Variants in ZNF215 observed in about 807,000 individuals in gnomAD.
ZNF215 encodes the protein zinc finger protein 215, also known as BWSCR2-associated zinc finger protein 2.
A neutral mutation model predicts 27.2 loss-of-function variants in ZNF215; 24 were observed. The observed-to-expected ratio is 0.88, with a 90% confidence interval of 0.64 to 1.24. ZNF215 has a LOEUF of 1.24. Among genes scored for constraint, ZNF215 ranks in the 50% most tolerant of loss-of-function variants. The probability of loss-of-function intolerance (pLI) is 0.00; values close to 1 mark genes in which losing one functional copy is unlikely to be tolerated. For synonymous variants in ZNF215, 210 were observed against 204.0 expected (o/e 1.03, Z -0.25); for missense variants, 675 against 605.7 (o/e 1.11, Z -1.20).
chr11:6,981,422 CTGTT>C (rs1850949365), intron 5 of ZNF215, among the ~76,000 whole-genome samples: 1 of 151,986 alleles, frequency 6.6e-6, no homozygotes, highest in Non-Finnish European at 1.5e-5. Context: ...TGAGAAGTGT[CTGTT>C]CATATCCTTC....
At chr11:6,950,203 C>T (rs1259667338) in intron 6 of ZNF215, among the ~76,000 whole-genome samples, 2 of 141,152 alleles carry the variant, frequency 1.4e-5, no homozygotes, top group Non-Finnish European at 3.2e-5. Flanking sequence ...TTAGGATTGA[C>T]TTGGCGATGG....
intron 6 of ZNF215, among the ~76,000 whole-genome samples, chr11:6,955,392 T>C (rs1288793119): frequency 1.3e-5 from 2 of 152,234 alleles, no homozygotes; most frequent in Non-Finnish European, 2.9e-5. Flanking sequence ...GAACCAGTGA[T>C]AACTTGAATT....
At chr11:6,958,718 A>G (rs927684896), downstream of ZNF215, among the ~76,000 whole-genome samples, 2 of 152,198 alleles carry the variant, frequency 1.3e-5, no homozygotes, top group African/African-American at 2.4e-5. Flanking sequence ...CCAAGTCCCA[A>G]TTTTACATAA....
chr11:6,977,075 G>A lies in ZNF215; in HGVS notation c.806-7054G>A, dbSNP rs185660416. 4.6e-4 allele frequency among the ~76,000 whole-genome samples: 70 copies of A among 152,090 alleles called. 1 individual carries two copies. The highest frequency in any genetic ancestry group is 6.8e-3 in the Middle Eastern group (2 of 294). On this transcript the variant is annotated intron_variant, in intron 5 of 5. Transcript: ENST00000529903. ...TTCTCTTCTGTGTGAAGTTGATAGGGACTGAATTGTGTCCTCCAAAATTCA... is the reference window on the plus strand; with the variant it reads ...TTCTCTTCTGTGTGAAGTTGATAGGAACTGAATTGTGTCCTCCAAAATTCA...
At chr11:6,936,090 C>T (rs1849427495) in intron 3 of ZNF215, among the ~76,000 whole-genome samples, 1 of 151,952 alleles carries the variant, frequency 6.6e-6, no homozygotes, top group African/African-American at 2.4e-5. Flanking sequence ...GATCTCAACC[C>T]TCCACCTGAA....
chr11:6,956,083 AC>A lies in ZNF215; in HGVS notation c.1108del (p.Gln370LysfsTer7), dbSNP rs759497011. 4 of 1,612,332 alleles carry A rather than the reference AC, an allele frequency of 2.5e-6. No individual in the cohort carries two copies. In the Admixed American group the frequency reaches 6.7e-5, roughly 27 times the overall value. ...TTGAGTTTGAGTACAGATATTCGAC[AC>A]CAAAAAAGTCATACTACAATGAATT... ...NDLSLSTDIR[H>X]QKSHTTMNSY... On this transcript the variant is annotated frameshift_variant, in exon 7 of 7. Transcript: ENST00000278319. LOFTEE classifies it low-confidence loss of function (END_TRUNC).
chr11:6,943,557 T>G lies in ZNF215; in HGVS notation c.628T>G (p.Ser210Ala), dbSNP rs778224480. The G allele has an allele frequency of 6.2e-7, 1 of 1,613,924 alleles. No individual in the cohort carries two copies. The highest frequency in any genetic ancestry group is 1.3e-5 in the African/African-American group (1 of 75,030). ...TTCTCCATGAACAGCACATCTACTTTCCAAACCATTTGAGAGCCTTAAGTT... is the reference window on the plus strand; with the variant it reads ...TTCTCCATGAACAGCACATCTACTTGCCAAACCATTTGAGAGCCTTAAGTT... ...LNSLRKAHLLSKPFESLKLES... is the reference protein window; with the variant it reads ...LNSLRKAHLLAKPFESLKLES... Residue 210 changes from serine to alanine, a missense_variant, in exon 6 of 7, where the codon TCC (serine) becomes GCC (alanine). Coordinates refer to ENST00000278319, the MANE Select transcript of ZNF215 (RefSeq NM_013250.4).
chr11:6,953,497 A>G (rs1029259902), intron 6 of ZNF215, among the ~76,000 whole-genome samples: 10 of 151,848 alleles, frequency 6.6e-5, no homozygotes, highest in South Asian at 2.1e-4. Context: ...ATCTTCCATC[A>G]CTGATACCCT....
chr11:6,936,309 A>G (rs1252384773), intron 3 of ZNF215, among the ~76,000 whole-genome samples: 7 of 152,090 alleles, frequency 4.6e-5, no homozygotes, highest in South Asian at 2.1e-4. Context: ...AGTGGGGACA[A>G]TACTACTGAC....
At chr11:6,941,875 T>C in intron 4 of ZNF215, among the ~76,000 whole-genome samples, 1 of 152,228 alleles carries the variant, frequency 6.6e-6, no homozygotes, top group South Asian at 2.1e-4. Flanking sequence ...CTATTTTATC[T>C]GTAGACACTA....
downstream of ZNF215, among the ~76,000 whole-genome samples, chr11:6,993,756 T>G (rs1015899953): frequency 6.6e-6 from 1 of 152,220 alleles, no homozygotes; most frequent in African/African-American, 2.4e-5. Flanking sequence ...CTAATGGATT[T>G]CATATTTGTA....
At chr11:6,946,786 G>C (rs1301266826) in intron 6 of ZNF215, among the ~76,000 whole-genome samples, 1 of 152,094 alleles carries the variant, frequency 6.6e-6, no homozygotes, top group Non-Finnish European at 1.5e-5. Context: ...TGTTCTTTGA[G>C]GGTAGGCATA....
intron 6 of ZNF215, among the ~76,000 whole-genome samples, chr11:6,954,254 G>T (rs1023359968): frequency 6.6e-6 from 1 of 152,212 alleles, no homozygotes. Flanking sequence ...GAGAACCACC[G>T]CTCTCTTCAA....
intron 6 of ZNF215, among the ~76,000 whole-genome samples, chr11:6,947,993 G>A (rs1168733955): frequency 1.3e-5 from 2 of 152,192 alleles, no homozygotes; most frequent in Non-Finnish European, 2.9e-5. Context: ...AACATCCTGA[G>A]AGAAATCAGA....
chr11:6,940,448 G>A (rs1206914276), intron 3 of ZNF215, among the ~76,000 whole-genome samples: 1 of 152,006 alleles, frequency 6.6e-6, no homozygotes, highest in Non-Finnish European at 1.5e-5. Context: ...GAGACCACAG[G>A]CACACACCAC....
intron 6 of ZNF215, among the ~76,000 whole-genome samples, chr11:6,950,625 A>C (rs1369337215): frequency 2.0e-5 from 3 of 150,840 alleles, no homozygotes; most frequent in African/African-American, 7.3e-5. Context: ...GCTTAAGGAG[A>C]TTTTGGGCTG....
At chr11:6,969,535 A>G (rs1850681831) in intron 5 of ZNF215, among the ~76,000 whole-genome samples, 1 of 152,234 alleles carries the variant, frequency 6.6e-6, no homozygotes, top group African/African-American at 2.4e-5. Flanking sequence ...TGACTTTGGA[A>G]TCATATAAAT....
chr11:6,948,463 GTTA>G (rs1849908397), intron 6 of ZNF215, among the ~76,000 whole-genome samples: 1 of 141,776 alleles, frequency 7.1e-6, no homozygotes, highest in Non-Finnish European at 1.5e-5. Flanking sequence ...AAGGACAATG[GTTA>G]TTGTTTTTTT....
intron 5 of ZNF215, among the ~76,000 whole-genome samples, chr11:6,967,220 T>C (rs1850639843): frequency 6.6e-6 from 1 of 152,234 alleles, no homozygotes; most frequent in South Asian, 2.1e-4. Flanking sequence ...TTGATGGGCA[T>C]TTGGGTTGGT....
Sources: gnomAD v4.1 joint callset for allele counts (sites outside exome capture counted in the v4.1 genomes callset) on GRCh38, gnomAD v4.1.1 for gene constraint, MANE v1.5 for transcripts, NCBI Gene and HGNC (gene_info 2026-07-23, HGNC 2026-07-21) for gene names.